EPB41L5: variants seen among roughly 807,000 people sequenced by gnomAD.
EPB41L5 encodes the protein erythrocyte membrane protein band 4.1 like 5, also known as band 4.1-like protein 5.
In EPB41L5, 55 loss-of-function variants were observed where a neutral mutation model predicts 106.6. That is an observed-to-expected ratio of 0.52 (90% CI 0.42 to 0.65). The LOEUF is 0.65. EPB41L5 is among the 30% of genes least tolerant of loss of function. The probability of loss-of-function intolerance (pLI) is 0.00; values close to 1 mark genes in which losing one functional copy is unlikely to be tolerated. For synonymous variants in EPB41L5, 297 were observed against 306.7 expected (o/e 0.97, Z 0.33); for missense variants, 871 against 882.1 (o/e 0.99, Z 0.16).
intron 3 of EPB41L5, among the ~76,000 whole-genome samples, chr2:120,070,710 C>G (rs1681802727): frequency 6.6e-6 from 1 of 152,224 alleles, no homozygotes; most frequent in Non-Finnish European, 1.5e-5. Flanking sequence ...CGTAATCCAT[C>G]AGCTAAACAG....
intron 3 of EPB41L5, among the ~76,000 whole-genome samples, chr2:120,067,000 T>A (rs1681488250): frequency 6.6e-6 from 1 of 152,192 alleles, no homozygotes; most frequent in Non-Finnish European, 1.5e-5. Context: ...GGCCTAGTGT[T>A]CTGTTAATGG....
chr2:120,174,780 A>G (rs1687860492), intron 24 of EPB41L5, 61 bp from the exon 25 acceptor site: 2 of 1,441,054 alleles, frequency 1.4e-6, no homozygotes, highest in Non-Finnish European at 9.8e-7. Context: ...TAATGGAGAC[A>G]TGAATGTCCT....
intron 10 of EPB41L5, among the ~76,000 whole-genome samples, chr2:120,079,918 T>G (rs1239810654): frequency 6.6e-6 from 1 of 152,124 alleles, no homozygotes; most frequent in Non-Finnish European, 1.5e-5. Flanking sequence ...CATGGTTTCC[T>G]TTTTCTTTGT....
At chr2:120,068,911 G>A (rs1369138815) in intron 3 of EPB41L5, among the ~76,000 whole-genome samples, 4 of 151,562 alleles carry the variant, frequency 2.6e-5, no homozygotes, top group South Asian at 2.1e-4. Flanking sequence ...GTGGTTCACC[G>A]GAGGCTGGGA....
intron 17 of EPB41L5, among the ~76,000 whole-genome samples, chr2:120,129,291 G>A (rs984528154): frequency 6.6e-6 from 1 of 151,040 alleles, no homozygotes; most frequent in African/African-American, 2.4e-5. Context: ...AGCTGAGATT[G>A]TGCCACTGAG....
At chr2:120,067,957 G>A in intron 3 of EPB41L5, among the ~76,000 whole-genome samples, 1 of 152,206 alleles carries the variant, frequency 6.6e-6, no homozygotes, top group East Asian at 1.9e-4. Flanking sequence ...GGGAGCAGAG[G>A]AAGTGTTTTA....
chr2:120,168,906 A>G (rs1345764869), intron 24 of EPB41L5, among the ~76,000 whole-genome samples: 1 of 152,240 alleles, frequency 6.6e-6, no homozygotes, highest in East Asian at 1.9e-4. Flanking sequence ...AGAGTGCTTT[A>G]TACAAATGTA....
At chr2:120,082,782 A>G (rs532440516) in intron 10 of EPB41L5, among the ~76,000 whole-genome samples, 1 of 152,124 alleles carries the variant, frequency 6.6e-6, no homozygotes, top group African/African-American at 2.4e-5. Flanking sequence ...TCAATTTTAG[A>G]GCCTGTTATT....
chr2:120,080,967 T>TC (rs1682612564), intron 10 of EPB41L5, among the ~76,000 whole-genome samples: 2 of 152,198 alleles, frequency 1.3e-5, no homozygotes, highest in South Asian at 4.1e-4. Flanking sequence ...TGTTTTTTTT[T>TC]CTTGTAAATT....
chr2:120,145,983 A>G (rs1574752951), intron 19 of EPB41L5, among the ~76,000 whole-genome samples: 2 of 152,098 alleles, frequency 1.3e-5, no homozygotes, highest in South Asian at 2.1e-4. Context: ...ATTGAGAACC[A>G]TCTAGTAAGA....
At chr2:120,126,763 G>A (rs920648892) in intron 16 of EPB41L5, among the ~76,000 whole-genome samples, 2 of 152,114 alleles carry the variant, frequency 1.3e-5, no homozygotes, top group Non-Finnish European at 2.9e-5. Flanking sequence ...TATTCTAGCT[G>A]CTTTGGCTTT....
intron 21 of EPB41L5, among the ~76,000 whole-genome samples, chr2:120,164,158 A>T (rs1687286781): frequency 6.6e-6 from 1 of 151,008 alleles, no homozygotes; most frequent in Non-Finnish European, 1.5e-5. Flanking sequence ...AATTTTGTGT[A>T]TTTTTAGTAG....
At chr2:120,051,700 G>T (rs1680299203) in intron 3 of EPB41L5, among the ~76,000 whole-genome samples, 1 of 152,200 alleles carries the variant, frequency 6.6e-6, no homozygotes, top group South Asian at 2.1e-4. Flanking sequence ...TGCACCCACT[G>T]TCCAACAAGC....
intron 24 of EPB41L5, among the ~76,000 whole-genome samples, chr2:120,174,084 T>A (rs948453844): frequency 6.6e-6 from 1 of 152,144 alleles, no homozygotes; most frequent in Admixed American, 6.5e-5. Flanking sequence ...GCAGAGCCCA[T>A]GAGGGCTTCT....
chr2:120,076,088 C>T (rs1365496070), intron 7 of EPB41L5, among the ~76,000 whole-genome samples: 2 of 152,208 alleles, frequency 1.3e-5, no homozygotes, highest in Admixed American at 6.5e-5. Context: ...TATAGCTTAG[C>T]AGTCCTTTTG....
At chr2:120,136,063 GA>G (rs1685910923) in intron 18 of EPB41L5, among the ~76,000 whole-genome samples, 1 of 131,608 alleles carries the variant, frequency 7.6e-6, no homozygotes, top group Non-Finnish European at 1.6e-5. Context: ...GCCATAAATA[GA>G]AACAACAAAA....
intron 13 of EPB41L5, among the ~76,000 whole-genome samples, chr2:120,092,192 C>T (rs570015466): frequency 6.6e-6 from 1 of 151,994 alleles, no homozygotes; most frequent in Non-Finnish European, 1.5e-5. Context: ...CCACTCCTGA[C>T]TCATTTTTGT....
At chr2:120,059,389 A>G (rs1270201117) in intron 3 of EPB41L5, among the ~76,000 whole-genome samples, 3 of 152,192 alleles carry the variant, frequency 2.0e-5, no homozygotes, top group East Asian at 1.9e-4. Context: ...AGACAAATAA[A>G]CAGGAGAAAA....
intron 16 of EPB41L5, among the ~76,000 whole-genome samples, chr2:120,102,219 C>T (rs1684182834): frequency 6.6e-6 from 1 of 152,108 alleles, no homozygotes; most frequent in African/African-American, 2.4e-5. Flanking sequence ...TGAATAGGTA[C>T]ATATTTAAAC....
Sources: gnomAD v4.1 joint callset for allele counts (sites outside exome capture counted in the v4.1 genomes callset) on GRCh38, gnomAD v4.1.1 for gene constraint, MANE v1.5 for transcripts, NCBI Gene and HGNC (gene_info 2026-07-23, HGNC 2026-07-21) for gene names.